TERF2IP: variants seen among roughly 807,000 people sequenced by gnomAD.
TERF2IP encodes TERF2 interacting protein.
Under a neutral mutation model 33.3 loss-of-function variants are expected in TERF2IP, and 35 were observed. That is an observed-to-expected ratio of 1.05 (90% CI 0.80 to 1.39). TERF2IP has a LOEUF of 1.39. Ranked by LOEUF, TERF2IP falls within the 40% of genes most tolerant of loss-of-function variation. The pLI, the probability that TERF2IP is intolerant of heterozygous loss-of-function variation, is 0.00. For missense variants in TERF2IP, 583 were observed against 524.8 expected (o/e 1.11, Z -1.08); for synonymous variants, 253 against 223.2 (o/e 1.13, Z -1.19).
chr16:75,657,285 A>G lies in TERF2IP; in HGVS notation c.*674A>G, dbSNP rs549310785. ...TTAAAACGCGCACACAACTCTAGAG[A>G]GTGTTAAGAATAATGTTACTTGGTT... On this transcript the variant is annotated 3_prime_UTR_variant, in exon 3 of 3. Transcript: ENST00000300086. The G allele has an allele frequency of 6.6e-6, 1 of 152,130 alleles. No individual in the cohort carries two copies. The highest frequency in any genetic ancestry group is 1.9e-4 in the East Asian group (1 of 5,180). 9.4% of individuals were successfully genotyped at this position (152,130 alleles called of 1,614,324 possible).
At chr16:75,649,019 G>A (rs2082326370) in intron 1 of TERF2IP, among the ~76,000 whole-genome samples, 1 of 150,340 alleles carries the variant, frequency 6.7e-6, no homozygotes. Context: ...GCGCCACCAC[G>A]TCCCGCTAAA....
intron 1 of TERF2IP, among the ~76,000 whole-genome samples, chr16:75,652,636 AATAC>A (rs963595287): frequency 1.3e-5 from 2 of 152,228 alleles, no homozygotes; most frequent in African/African-American, 4.8e-5. Flanking sequence ...AATTTTATTA[AATAC>A]ATACAGTAAA....
chr16:75,650,708 G>A (rs1427030880), intron 1 of TERF2IP, among the ~76,000 whole-genome samples: 1 of 151,864 alleles, frequency 6.6e-6, no homozygotes, highest in Non-Finnish European at 1.5e-5. Context: ...GCTAATTTTT[G>A]TATTTTTTTG....
chr16:75,649,394 A>C (rs898603745), intron 1 of TERF2IP, among the ~76,000 whole-genome samples: 2 of 152,068 alleles, frequency 1.3e-5, no homozygotes, highest in African/African-American at 4.8e-5. Flanking sequence ...AAATACAAAA[A>C]TTAGCCGGCC....
rs1001385854 is a variant in TERF2IP, at chr16:75,652,878, T to G, written c.671-1395T>G. The stretch of plus-strand genomic sequence containing the variant: ...CATGCCTTTTATTATTTTCTGCTTC[T>G]AGGGGTCAGAAACATGCCTATTAAA... On this transcript the variant is annotated intron_variant, in intron 1 of 2. Transcript: ENST00000300086. 2.0e-5 allele frequency among the ~76,000 whole-genome samples: 3 copies of G among 152,188 alleles called. 1 individual carries two copies. The highest frequency in any genetic ancestry group is 7.2e-5 in the African/African-American group (3 of 41,434).
Position 75,654,409 on chromosome 16 carries a change from A to G in TERF2IP, c.795+12A>G. On this transcript the variant is annotated intron_variant, in intron 2 of 2. Transcript: ENST00000300086. ...TTGAGGAGGTTGTGGTATGTTAACT[A>G]GATTTACTCATTATTTTTTTCCCTA... The G allele has an allele frequency of 6.2e-7, 1 of 1,609,584 alleles. No homozygotes were observed. The highest frequency in any genetic ancestry group is 1.7e-4 in the Middle Eastern group (1 of 6,026).
chr16:75,651,066 G>A (rs1273936724), intron 1 of TERF2IP, among the ~76,000 whole-genome samples: 1 of 152,112 alleles, frequency 6.6e-6, no homozygotes, highest in Non-Finnish European at 1.5e-5. Flanking sequence ...TGCCTGATTT[G>A]CCAGAAGAAA....
In TERF2IP at chr16:75,648,117, A is replaced by G; in HGVS notation, c.235A>G (p.Ile79Val). 6.4e-7 allele frequency: 1 copy of G among 1,557,822 alleles called. No homozygotes were observed. The highest frequency in any genetic ancestry group is 8.7e-7 in the Non-Finnish European group (1 of 1,152,170). Residue 79 changes from isoleucine to valine, a missense_variant, in exon 1 of 3, where the codon ATC becomes GTC. Physicochemically the swap from Ile to Val is conservative, Grantham distance 29 (BLOSUM62 3). Coordinates refer to ENST00000300086, the MANE Select transcript of TERF2IP (RefSeq NM_018975.4). ...EALAEASGDFISTQYILDCVE... is the reference protein window; with the variant it reads ...EALAEASGDFVSTQYILDCVE... ...GCTGGCCGAGGCCTCGGGTGATTTC[A>G]TCTCCACGCAGTACATCCTGGACTG...
rs1405253754 is a variant in TERF2IP at position 75,654,353 on chromosome 16, A to G, written c.751A>G (p.Lys251Glu). 2 of 1,613,930 alleles carry G rather than the reference A, an allele frequency of 1.2e-6. No individual in the cohort carries two copies. The highest frequency in any genetic ancestry group is 1.7e-6 in the Non-Finnish European group (2 of 1,179,864). The change falls in exon 2 of 3, where the codon AAA (lysine) becomes GAA (glutamate). Residue 251 changes from lysine to glutamate, a missense_variant. Lys to Glu is a moderately conservative substitution (Grantham distance 56, BLOSUM62 1). Transcript: ENST00000300086. ...EEIQENEEAV[K>E]KMLVEATREF... ...AATCCAGGAGAATGAAGAAGCAGTCAAAAAGATGCTTGTGGAAGCCACCCG... is the reference window on the plus strand; with the variant it reads ...AATCCAGGAGAATGAAGAAGCAGTCGAAAAGATGCTTGTGGAAGCCACCCG...
At chr16:75,651,990 C>T (rs2082351106) in intron 1 of TERF2IP, among the ~76,000 whole-genome samples, 1 of 152,072 alleles carries the variant, frequency 6.6e-6, no homozygotes, top group Non-Finnish European at 1.5e-5. Context: ...TATACTCCTA[C>T]GTTGTTAATA....
Position 75,648,473 on chromosome 16 carries a change from G to C in TERF2IP, c.591G>C (p.Leu197=). 1 of 1,595,074 alleles carries C rather than the reference G, an allele frequency of 6.3e-7. No homozygotes were observed. Among genetic ancestry groups the C allele is most frequent in the South Asian group, 1.1e-5 (1 of 88,010 alleles). Residue 197 remains leucine, a synonymous_variant, in exon 1 of 3, where the codon CTG becomes CTC. Coordinates refer to ENST00000300086, the MANE Select transcript of TERF2IP (RefSeq NM_018975.4). ...GGGGCCAGGAGCATAAGTACCTGCT[G>C]GGGGACGCGCCGGTGAGCCCCTCCT... is the stretch of plus-strand genomic sequence containing the variant. ...HLRGQEHKYL[L]GDAPVSPSSQ...
chr16:75,648,551 G>C lies in TERF2IP; in HGVS notation c.669G>C (p.Gly223=), dbSNP rs952890351. The C allele has an allele frequency of 3.2e-6, 5 of 1,548,666 alleles. No individual in the cohort carries two copies. Among genetic ancestry groups the C allele is most frequent in the Middle Eastern group, 1.7e-4 (1 of 5,928 alleles). ...AEEDPEAADS[G]EPQNKRTPDL... is the part of the protein sequence containing the mutation. ...AGGACCCGGAGGCCGCGGATAGCGG[G>C]GGTGAGGAGGCTGAGCGCGGGGCCT... The change falls in exon 1 of 3, where the codon GGG becomes GGC. Residue 223 remains glycine, a splice_region_variant and synonymous_variant. Transcript: ENST00000300086.
Position 75,656,213 on chromosome 16 carries a change from G to A in TERF2IP, c.802G>A (p.Glu268Lys), listed in dbSNP as rs1451050524. 5 of 1,605,378 alleles carry A rather than the reference G, an allele frequency of 3.1e-6. No individual in the cohort carries two copies. Among genetic ancestry groups the A allele is most frequent in the Admixed American group, 3.4e-5 (2 of 58,754 alleles). Residue 268 changes from glutamate to lysine, a missense_variant, in exon 3 of 3, where the codon GAG (glutamate) becomes AAG (lysine). By Grantham distance (56) the Glu-to-Lys change is moderately conservative. Transcript: ENST00000300086. ...TACTCATCATTCTGTCTAGGTGGATGAGAGCCCTCCTGATTTTGAAATACA... is the reference window on the plus strand; with the variant it reads ...TACTCATCATTCTGTCTAGGTGGATAAGAGCCCTCCTGATTTTGAAATACA... ...TREFEEVVVD[E>K]SPPDFEIHIT...
rs1295786124 is a variant in TERF2IP, at chr16:75,654,359, A to G, written c.757A>G (p.Met253Val). Residue 253 changes from methionine to valine, a missense_variant, in exon 2 of 3, where the codon ATG becomes GTG. Coordinates refer to ENST00000300086, the MANE Select transcript of TERF2IP (RefSeq NM_018975.4). Reference sequence around the variant, plus strand: ...GGAGAATGAAGAAGCAGTCAAAAAGATGCTTGTGGAAGCCACCCGGGAGTT... The same window carrying G: ...GGAGAATGAAGAAGCAGTCAAAAAGGTGCTTGTGGAAGCCACCCGGGAGTT... ...IQENEEAVKKMLVEATREFEE... is the reference protein window; with the variant it reads ...IQENEEAVKKVLVEATREFEE... The G allele has an allele frequency of 1.4e-5, 22 of 1,613,822 alleles. No homozygotes were observed. The highest frequency in any genetic ancestry group is 1.8e-5 in the Non-Finnish European group (21 of 1,179,876).
In TERF2IP at chr16:75,656,527, A is replaced by G; in HGVS notation, c.1116A>G (p.Lys372=). 1 of 1,614,230 alleles carries G rather than the reference A, an allele frequency of 6.2e-7. No homozygotes were observed. The highest frequency in any genetic ancestry group is 1.1e-5 in the South Asian group (1 of 91,086). ...GACAAGATGACATAGATTTGCAAAA[A>G]GATGATGAGGATACCAGAGAGGCAT... is the stretch of plus-strand genomic sequence containing the variant. The part of the protein sequence containing the change: ...WSRQDDIDLQ[K]DDEDTREALV... Residue 372 remains lysine, a synonymous_variant, in exon 3 of 3, where the codon AAA becomes AAG. Coordinates refer to ENST00000300086, the MANE Select transcript of TERF2IP (RefSeq NM_018975.4).
chr16:75,650,049 T>C (rs983376669), intron 1 of TERF2IP, among the ~76,000 whole-genome samples: 2 of 152,224 alleles, frequency 1.3e-5, no homozygotes, highest in African/African-American at 4.8e-5. Flanking sequence ...AGTAGGAATT[T>C]TGTTTTGGTA....
At chr16:75,654,513 C>A in intron 2 of TERF2IP, 116 bp downstream of exon 2, 2 of 1,132,018 alleles carry the variant, frequency 1.8e-6, no homozygotes, top group Non-Finnish European at 2.4e-6. Context: ...GAGAGGAGTT[C>A]AAGATGGAAA....
At chr16:75,649,013 C>A (rs937542610) in intron 1 of TERF2IP, among the ~76,000 whole-genome samples, 1 of 151,736 alleles carries the variant, frequency 6.6e-6, no homozygotes, top group African/African-American at 2.4e-5. Flanking sequence ...ACTCCCGCGC[C>A]ACCACGTCCC....
intron 1 of TERF2IP, among the ~76,000 whole-genome samples, chr16:75,651,028 G>A (rs773312541): frequency 3.9e-5 from 6 of 152,188 alleles, no homozygotes; most frequent in Non-Finnish European, 8.8e-5. Context: ...GGTGGGAGTT[G>A]CTCTGAACCA....
Sources: allele counts gnomAD v4.1 joint callset (sites outside exome capture counted in the v4.1 genomes callset), GRCh38; gene constraint gnomAD v4.1.1; transcripts MANE v1.5; gene names NCBI Gene and HGNC (gene_info 2026-07-23, HGNC 2026-07-21).